Variants in RPH3AL observed in about 807,000 individuals in gnomAD.
RPH3AL encodes rab effector Noc2.
Under a neutral mutation model 43.1 loss-of-function variants are expected in RPH3AL, and 38 were observed. The ratio of observed to expected loss-of-function variants is 0.88; its 90% confidence interval spans 0.68 to 1.15. RPH3AL has a LOEUF of 1.15. Among genes scored for constraint, RPH3AL ranks in the 50% most tolerant of loss-of-function variants. The pLI is 0.00. For synonymous variants in RPH3AL, 189 were observed against 176.3 expected (o/e 1.07, Z -0.57); for missense variants, 462 against 423.2 (o/e 1.09, Z -0.81).
chr17:293,808 C>T lies in RPH3AL; in HGVS notation c.352-11954G>A, dbSNP rs367747817. Among the ~76,000 whole-genome samples the T allele has an allele frequency of 5.0e-3, 764 of 152,014 alleles. 1 individual carries two copies. The highest frequency in any genetic ancestry group is 8.8e-3 in the Non-Finnish European group (601 of 68,012). ...ATTTGGGAGGCTGAGGTGGGCGGATCGCCTGAGGTCAGGAGTTCAACACCA... is the reference window on the plus strand; with the variant it reads ...ATTTGGGAGGCTGAGGTGGGCGGATTGCCTGAGGTCAGGAGTTCAACACCA... On this transcript the variant is annotated intron_variant, in intron 5 of 9. Transcript: ENST00000331302.
At chr17:314,703 G>C (rs1241230575) in intron 5 of RPH3AL, among the ~76,000 whole-genome samples, 6 of 129,216 alleles carry the variant, frequency 4.6e-5, no homozygotes, top group East Asian at 2.5e-4. Context: ...TTGACCTGTA[G>C]TCTCTGTGCT....
Position 219,628 on chromosome 17 carries a change from T to A in RPH3AL, c.722A>T (p.Glu241Val), listed in dbSNP as rs1286976691. Residue 241 changes from glutamate (E) to valine (V), a missense_variant, in exon 8 of 10, where the codon GAG becomes GTG. By Grantham distance (121) the Glu-to-Val change is moderately radical. Transcript: ENST00000331302. The part of the protein sequence containing the change: ...RDRKGDKPWK[E>V]SGGSVEAPRM... ...CATTTCACTCCCCACCTTACCTGACTCCTTCCAGGGTTTGTCGCCTTTCCG... is the reference window on the plus strand; with the variant it reads ...CATTTCACTCCCCACCTTACCTGACACCTTCCAGGGTTTGTCGCCTTTCCG... The A allele has an allele frequency of 1.3e-6, 2 of 1,494,836 alleles. No homozygotes were observed. Among genetic ancestry groups the A allele is most frequent in the African/African-American group, 1.4e-5 (1 of 69,624 alleles). 92.6% of individuals were successfully genotyped at this position (1,494,836 alleles called of 1,614,324 possible). A position where few individuals can be genotyped will look rare whatever the true frequency, so the allele number is the denominator to read the frequency against.
At position 285,284 on chromosome 17, in the gene RPH3AL, G is replaced by A. The variant is rs114339846; in HGVS notation, c.352-3430C>T. 2.0e-3 allele frequency among the ~76,000 whole-genome samples: 310 copies of A among 152,262 alleles called. 1 individual carries two copies. The highest frequency in any genetic ancestry group is 6.4e-3 in the African/African-American group (267 of 41,528). On this transcript the variant is annotated intron_variant, in intron 5 of 9. Coordinates refer to ENST00000331302, the MANE Select transcript of RPH3AL (RefSeq NM_006987.4). ...CTCTCGGCTCCTTCAGAGGCCGCAC[G>A]GCACGGCGCACAGGTTTGGGGATGG...
At chr17:239,447 T>C (rs2041476418) in intron 7 of RPH3AL, among the ~76,000 whole-genome samples, 1 of 152,194 alleles carries the variant, frequency 6.6e-6, no homozygotes, top group South Asian at 2.1e-4. Context: ...GTCCATACAT[T>C]CTCAGGCTAC....
At chr17:315,533 C>A (rs202120819) in intron 5 of RPH3AL, among the ~76,000 whole-genome samples, 388 of 8,822 alleles carry the variant, frequency 0.044, no homozygotes, top group African/African-American at 0.061. Context: ...AGTCCCTGTG[C>A]TCCCACCTCC....
At chr17:286,020 A>G (rs911539683) in intron 5 of RPH3AL, among the ~76,000 whole-genome samples, 2 of 152,020 alleles carry the variant, frequency 1.3e-5, no homozygotes, top group Non-Finnish European at 2.9e-5. Context: ...GATGCCCTCA[A>G]CACTTGCTCC....
chr17:273,031 CA>C, intron 6 of RPH3AL, among the ~76,000 whole-genome samples: 1 of 105,400 alleles, frequency 9.5e-6, no homozygotes, highest in African/African-American at 3.0e-5. Context: ...GAAGAGACCC[CA>C]GCGAGGGCGA....
chr17:241,910 G>T (rs2041547533), intron 7 of RPH3AL, among the ~76,000 whole-genome samples: 1 of 151,874 alleles, frequency 6.6e-6, no homozygotes, highest in African/African-American at 2.4e-5. Flanking sequence ...GAGGCCAAGG[G>T]GTTTGAGGCT....
chr17:296,452 G>A (rs2043181747), intron 5 of RPH3AL, among the ~76,000 whole-genome samples: 1 of 151,796 alleles, frequency 6.6e-6, no homozygotes, highest in Non-Finnish European at 1.5e-5. Flanking sequence ...GACATGAACG[G>A]GCAGAGGGAA....
At chr17:244,246 CCTTCCTCTATTGATTA>C (rs1464378298) in intron 7 of RPH3AL, among the ~76,000 whole-genome samples, 1 of 30,494 alleles carries the variant, frequency 3.3e-5, no homozygotes, top group Non-Finnish European at 7.7e-5. Context: ...CTATTGATTA[CCTTCCTCTATTGATTA>C]CCTTCCTCTA....
intron 1 of RPH3AL, among the ~76,000 whole-genome samples, chr17:347,088 C>G (rs1397910536): frequency 7.5e-6 from 1 of 134,148 alleles, no homozygotes; most frequent in Non-Finnish European, 1.7e-5. Context: ...GAAACCCCGT[C>G]TCTACTAAAA....
chr17:221,373 C>A (rs2040968344), intron 7 of RPH3AL, among the ~76,000 whole-genome samples: 1 of 139,214 alleles, frequency 7.2e-6, no homozygotes. Context: ...GAGGGCTCCA[C>A]TCACTGAGAC....
chr17:339,901 A>G (rs2045066964), intron 1 of RPH3AL, among the ~76,000 whole-genome samples: 3 of 152,180 alleles, frequency 2.0e-5, no homozygotes, highest in African/African-American at 7.2e-5. Flanking sequence ...AGGGGATTGC[A>G]GAGGAGACGG....
At chr17:250,268 G>C (rs1375454261) in intron 6 of RPH3AL, among the ~76,000 whole-genome samples, 1 of 118,130 alleles carries the variant, frequency 8.5e-6, no homozygotes, top group Non-Finnish European at 1.8e-5. Context: ...GTCGCTGCGG[G>C]ACCTCTCAGA....
At chr17:302,642 C>T (rs2043357434) in intron 5 of RPH3AL, among the ~76,000 whole-genome samples, 1 of 152,190 alleles carries the variant, frequency 6.6e-6, no homozygotes, top group East Asian at 1.9e-4. Flanking sequence ...AGGCCCGGCC[C>T]TCCCGGCTGC....
chr17:314,098 C>T (rs937823398), intron 5 of RPH3AL, among the ~76,000 whole-genome samples: 1 of 152,208 alleles, frequency 6.6e-6, no homozygotes, highest in African/African-American at 2.4e-5. Flanking sequence ...CCACTGTTGC[C>T]TAAGACATGG....
At chr17:285,076 A>T (rs1465336271) in intron 5 of RPH3AL, among the ~76,000 whole-genome samples, 2 of 152,140 alleles carry the variant, frequency 1.3e-5, no homozygotes, top group African/African-American at 4.8e-5. Context: ...TGATATAAAC[A>T]TTCAGTCCAC....
chr17:329,771 C>A (rs897250642), intron 2 of RPH3AL, among the ~76,000 whole-genome samples: 5 of 152,230 alleles, frequency 3.3e-5, no homozygotes, highest in African/African-American at 1.2e-4. Context: ...GCATTTGTGG[C>A]AGGTTGTTTC....
At chr17:219,915 C>A (rs1042804867) in intron 7 of RPH3AL, among the ~76,000 whole-genome samples, 179 bp from the exon 8 acceptor site, 5 of 152,148 alleles carry the variant, frequency 3.3e-5, no homozygotes, top group Non-Finnish European at 5.9e-5. Flanking sequence ...CACATTTCTG[C>A]TGCACAAAGA....
Sources: allele counts gnomAD v4.1 joint callset (sites outside exome capture counted in the v4.1 genomes callset), GRCh38; gene constraint gnomAD v4.1.1; transcripts MANE v1.5; gene names NCBI Gene and HGNC (gene_info 2026-07-23, HGNC 2026-07-21).